Variants in ABLIM1 observed in about 807,000 individuals in gnomAD.
ABLIM1 encodes actin-binding LIM protein 1.
A neutral mutation model predicts 107.0 loss-of-function variants in ABLIM1; 40 were observed. That is an observed-to-expected ratio of 0.37 (90% CI 0.29 to 0.49). The LOEUF (loss-of-function observed/expected upper bound fraction) is 0.49. Among genes scored for constraint, ABLIM1 ranks in the 20% least tolerant of loss-of-function variants. The pLI, the probability that ABLIM1 is intolerant of heterozygous loss-of-function variation, is 0.97. For synonymous variants in ABLIM1, 357 were observed against 357.3 expected (o/e 1.00, Z 0.01); for missense variants, 857 against 1,008.5 (o/e 0.85, Z 2.04).
At chr10:114,600,379 T>C (rs1249795544) in intron 2 of ABLIM1, among the ~76,000 whole-genome samples, 2 of 152,310 alleles carry the variant, frequency 1.3e-5, no homozygotes, top group East Asian at 1.9e-4. Flanking sequence ...TTGAGCTCAT[T>C]TGAGGGAGTT....
intron 8 of ABLIM1, among the ~76,000 whole-genome samples, chr10:114,482,129 G>A (rs2057466276): frequency 6.6e-6 from 1 of 152,150 alleles, no homozygotes; most frequent in Non-Finnish European, 1.5e-5. Context: ...TTGGTCCTGG[G>A]AATACCATGT....
intron 1 of ABLIM1, among the ~76,000 whole-genome samples, chr10:114,640,535 C>A (rs1266617850): frequency 6.8e-6 from 1 of 146,252 alleles, no homozygotes; most frequent in Non-Finnish European, 1.5e-5. Flanking sequence ...TCAAAACAAA[C>A]AAACCAACAA....
At chr10:114,769,256 T>A (rs1398333042), upstream of ABLIM1, among the ~76,000 whole-genome samples, 1 of 136,038 alleles carries the variant, frequency 7.4e-6, no homozygotes. Flanking sequence ...GAGGTTGAGG[T>A]ATGAGAATCG....
chr10:114,655,761 C>T (rs1026431644), intron 1 of ABLIM1, among the ~76,000 whole-genome samples: 28 of 152,222 alleles, frequency 1.8e-4, no homozygotes, highest in Non-Finnish European at 2.9e-4. Context: ...TCTTCATCCC[C>T]GCTCCCTGCT....
At chr10:114,626,204 G>A (rs2077784325) in intron 1 of ABLIM1, among the ~76,000 whole-genome samples, 2 of 152,126 alleles carry the variant, frequency 1.3e-5, no homozygotes, top group Admixed American at 1.3e-4. Context: ...CTGTCCTCAG[G>A]AGCTGCCAAG....
At chr10:114,771,531 T>C (rs905264793), upstream of ABLIM1, among the ~76,000 whole-genome samples, 3 of 152,232 alleles carry the variant, frequency 2.0e-5, no homozygotes, top group Non-Finnish European at 4.4e-5. Context: ...TATATGGAAA[T>C]GACATTTTAG....
chr10:114,534,503 TG>T (rs2065783692), intron 6 of ABLIM1, among the ~76,000 whole-genome samples: 1 of 9,314 alleles, frequency 1.1e-4, no homozygotes. Context: ...TGAGGCGGGG[TG>T]GGGGTGGGGG....
At chr10:114,625,799 T>G (rs911539202) in intron 1 of ABLIM1, among the ~76,000 whole-genome samples, 4 of 152,000 alleles carry the variant, frequency 2.6e-5, no homozygotes, top group African/African-American at 7.3e-5. Context: ...GGATAGAAAA[T>G]TTAGCTTTTC....
chr10:114,706,856 TA>T (rs1206032939), intron 1 of ABLIM1, among the ~76,000 whole-genome samples: 4,066 of 146,382 alleles, frequency 0.028, 75 homozygotes, highest in Middle Eastern at 0.06. Flanking sequence ...TCTTCTACTT[TA>T]AAAAAAAAAA....
the ABLIM1 span, among the ~76,000 whole-genome samples, chr10:114,785,491 G>A: frequency 1.3e-5 from 2 of 151,992 alleles, no homozygotes; most frequent in Non-Finnish European, 2.9e-5. Context: ...TTTTCCTTTG[G>A]CTTTGTAAGA....
At chr10:114,651,535 G>A (rs914889839) in intron 1 of ABLIM1, among the ~76,000 whole-genome samples, 1 of 152,190 alleles carries the variant, frequency 6.6e-6, no homozygotes, top group African/African-American at 2.4e-5. Flanking sequence ...CTGTGACAAA[G>A]AAGACTGATG....
chr10:114,535,235 C>T (rs966748922), intron 6 of ABLIM1, among the ~76,000 whole-genome samples: 9 of 152,212 alleles, frequency 5.9e-5, no homozygotes, highest in African/African-American at 2.2e-4. Context: ...AGGCCATGTC[C>T]TGTGCAGTGG....
intron 2 of ABLIM1, among the ~76,000 whole-genome samples, chr10:114,598,184 G>A (rs2075623402): frequency 7.1e-6 from 1 of 141,424 alleles, no homozygotes; most frequent in Non-Finnish European, 1.5e-5. Context: ...TGAGATAGGA[G>A]AATCGCTTGA....
chr10:114,491,189 C>G (rs1411219055), intron 7 of ABLIM1, among the ~76,000 whole-genome samples: 1 of 151,694 alleles, frequency 6.6e-6, no homozygotes, highest in African/African-American at 2.4e-5. Flanking sequence ...CCAGAAATTT[C>G]TCTTTCAGAG....
At chr10:114,552,529 C>T (rs1487692577) in intron 4 of ABLIM1, among the ~76,000 whole-genome samples, 1 of 147,552 alleles carries the variant, frequency 6.8e-6, no homozygotes, top group Admixed American at 6.8e-5. Context: ...TGACCTTAAA[C>T]ACTTGACCCT....
chr10:114,531,634 C>T (rs1274770252), intron 6 of ABLIM1, among the ~76,000 whole-genome samples: 2 of 152,230 alleles, frequency 1.3e-5, no homozygotes, highest in African/African-American at 4.8e-5. Context: ...TCTCTTGCCT[C>T]AGCCTCCCGA....
chr10:114,608,221 G>A (rs2076556820), intron 1 of ABLIM1, among the ~76,000 whole-genome samples: 1 of 152,158 alleles, frequency 6.6e-6, no homozygotes. Context: ...AAAATTAGCT[G>A]GGCATGGTGG....
chr10:114,669,883 T>C (rs1207517466), intron 1 of ABLIM1, among the ~76,000 whole-genome samples: 1 of 152,032 alleles, frequency 6.6e-6, no homozygotes, highest in African/African-American at 2.4e-5. Context: ...TTGGCACAAT[T>C]AATTTTTAAA....
chr10:114,528,127 C>G (rs538968584), intron 6 of ABLIM1, among the ~76,000 whole-genome samples: 1 of 152,034 alleles, frequency 6.6e-6, no homozygotes, highest in Non-Finnish European at 1.5e-5. Flanking sequence ...TGAGCCACTG[C>G]GCCCGGCAAT....
Sources: allele counts gnomAD v4.1 joint callset (sites outside exome capture counted in the v4.1 genomes callset), GRCh38; gene constraint gnomAD v4.1.1; transcripts MANE v1.5; gene names NCBI Gene and HGNC (gene_info 2026-07-23, HGNC 2026-07-21).